HACE1: variants seen among roughly 807,000 people sequenced by gnomAD.
The protein encoded by HACE1 is E3 ubiquitin-protein ligase HACE1.
In HACE1, 73 loss-of-function variants were observed where a neutral mutation model predicts 118.4. The observed-to-expected ratio is 0.62, with a 90% CI of 0.51 to 0.75. HACE1 has a LOEUF of 0.75. HACE1 is among the 30% of genes least tolerant of loss of function. The pLI, the probability that HACE1 is intolerant of heterozygous loss-of-function variation, is 0.00. For synonymous variants in HACE1, 368 were observed against 374.8 expected (o/e 0.98, Z 0.21); for missense variants, 749 against 1,102.2 (o/e 0.68, Z 4.54).
intron 4 of HACE1, among the ~76,000 whole-genome samples, chr6:104,846,540 G>A (rs1315706564): frequency 4.6e-5 from 7 of 152,176 alleles, no homozygotes; most frequent in Admixed American, 2.6e-4. Context: ...GCTTAATGGG[G>A]CTTCTTTTGG....
chr6:104,800,420 T>C (rs1449875972), intron 7 of HACE1, among the ~76,000 whole-genome samples: 1 of 152,046 alleles, frequency 6.6e-6, no homozygotes, highest in African/African-American at 2.4e-5. Context: ...CTCAAGTGGG[T>C]CCCTGACCCC....
At chr6:104,859,386 G>T (rs1347600698) in intron 1 of HACE1, 181 bp downstream of exon 1, 1 of 541,740 alleles carries the variant, frequency 1.8e-6, no homozygotes, top group Non-Finnish European at 3.2e-6. Flanking sequence ...CACCTGCCGG[G>T]GTGGGAGCGT....
intron 22 of HACE1, among the ~76,000 whole-genome samples, chr6:104,740,027 T>G (rs905100000): frequency 4.0e-5 from 6 of 151,670 alleles, no homozygotes; most frequent in Non-Finnish European, 8.8e-5. Flanking sequence ...TCAAAACCAC[T>G]CAACTACATG....
chr6:104,739,450 C>T (rs1776364769), intron 22 of HACE1, among the ~76,000 whole-genome samples: 1 of 151,612 alleles, frequency 6.6e-6, no homozygotes, highest in East Asian at 1.9e-4. Flanking sequence ...CACATAGGCT[C>T]AAAATAAAAG....
At position 104,844,422 on chromosome 6, in the gene HACE1, C is replaced by T. The variant is rs1775439037; in HGVS notation, c.327-1124G>A. 2.6e-5 allele frequency among the ~76,000 whole-genome samples: 4 copies of T among 151,174 alleles called. No homozygotes were observed. The South Asian group carries it at 8.4e-4, about 32-fold the overall frequency. ...GCAGTGATGCGATCTCGGCTCACTG[C>T]AACCTCCGCCTCCCAGGTTCAAGCA... On this transcript the variant is annotated intron_variant, in intron 4 of 23. Coordinates refer to ENST00000262903, the MANE Select transcript of HACE1 (RefSeq NM_020771.4).
intron 11 of HACE1, among the ~76,000 whole-genome samples, chr6:104,789,556 T>C (rs1014140494): frequency 4.6e-5 from 7 of 152,162 alleles, no homozygotes; most frequent in Non-Finnish European, 1.0e-4. Flanking sequence ...TACTCTATTA[T>C]GTCTGTATTG....
At chr6:104,816,955 G>A (rs1046206825) in intron 6 of HACE1, among the ~76,000 whole-genome samples, 2 of 152,176 alleles carry the variant, frequency 1.3e-5, no homozygotes, top group Admixed American at 1.3e-4. Flanking sequence ...AGACTTGCAT[G>A]GGGCCTGTAG....
At chr6:104,737,656 T>C (rs976295305) in intron 22 of HACE1, among the ~76,000 whole-genome samples, 6 of 152,142 alleles carry the variant, frequency 3.9e-5, no homozygotes, top group East Asian at 1.9e-4. Context: ...GATTATATCC[T>C]GCACCTGGCT....
At chr6:104,843,950 G>A (rs751203579) in intron 4 of HACE1, among the ~76,000 whole-genome samples, 4 of 151,380 alleles carry the variant, frequency 2.6e-5, no homozygotes, top group Admixed American at 2.0e-4. Context: ...TCTGCCTCCC[G>A]GGTTCAAGTG....
intron 1 of HACE1, among the ~76,000 whole-genome samples, chr6:104,857,171 T>TTATTTACATATATATTTACATATA (rs1054845485): frequency 6.8e-6 from 1 of 147,576 alleles, no homozygotes; most frequent in Non-Finnish European, 1.5e-5. Context: ...ATATATATAT[T>TTATTTACATATATATTTACATATA]TATTTACATA....
chr6:104,774,587 T>C (rs1170526972), intron 17 of HACE1, among the ~76,000 whole-genome samples: 1 of 151,582 alleles, frequency 6.6e-6, no homozygotes, highest in Non-Finnish European at 1.5e-5. Flanking sequence ...GGTTTTACCA[T>C]GTTGACCAGG....
At chr6:104,853,729 A>C (rs1348454634) in intron 1 of HACE1, among the ~76,000 whole-genome samples, 3 of 152,182 alleles carry the variant, frequency 2.0e-5, no homozygotes, top group Non-Finnish European at 4.4e-5. Flanking sequence ...CAAAAATAAT[A>C]TATGCTCAAT....
chr6:104,856,683 C>T (rs768058391), intron 1 of HACE1, among the ~76,000 whole-genome samples: 2 of 152,162 alleles, frequency 1.3e-5, no homozygotes, highest in African/African-American at 4.8e-5. Context: ...GATCCACCCA[C>T]GTCGGCCTCC....
At chr6:104,805,221 A>T (rs989802596) in intron 7 of HACE1, among the ~76,000 whole-genome samples, 2 of 152,190 alleles carry the variant, frequency 1.3e-5, no homozygotes, top group African/African-American at 4.8e-5. Context: ...GCTGGAGAGG[A>T]TGTGGAGAAA....
Position 104,728,707 on chromosome 6 carries a change from G to A in HACE1, c.*955C>T, listed in dbSNP as rs1028968619. The A allele has an allele frequency of 6.6e-6, 1 of 152,000 alleles. No individual in the cohort carries two copies. The highest frequency in any genetic ancestry group is 2.4e-5 in the African/African-American group (1 of 41,374). 9.4% of individuals were successfully genotyped at this position (152,000 alleles called of 1,614,324 possible). A position where few individuals can be genotyped will look rare whatever the true frequency, so the allele number is the denominator to read the frequency against. ...ACATATGCTGTAACTATTCAAGTAC[G>A]TCTTTTCAAAATAAAACTGATTAAC... is the stretch of plus-strand genomic sequence containing the variant. On this transcript the variant is annotated 3_prime_UTR_variant, in exon 24 of 24. Coordinates refer to ENST00000262903, the MANE Select transcript of HACE1 (RefSeq NM_020771.4).
rs774417720 is a variant in HACE1 at position 104,851,934 on chromosome 6, T to G, written c.131+383A>C. ...TCAATAAAAGGAACACAAAAATAAGTAGCACATAAGGGAAATAAGTTGTCC... is the reference window on the plus strand; with the variant it reads ...TCAATAAAAGGAACACAAAAATAAGGAGCACATAAGGGAAATAAGTTGTCC... On this transcript the variant is annotated intron_variant, in intron 2 of 23. Transcript: ENST00000262903. 8.5e-5 allele frequency among the ~76,000 whole-genome samples: 13 copies of G among 152,064 alleles called. No individual in the cohort carries two copies. In the South Asian group the frequency reaches 1.7e-3, roughly 19 times the overall value.
rs1168494124 is a variant in HACE1 at position 104,774,261 on chromosome 6, T to C, written c.1865-2187A>G. ...CCCGCCACTACGCCCGGCTAATTTT[T>C]TTGTATTTTTAGTAGAGACGGGGTT... On this transcript the variant is annotated intron_variant, in intron 17 of 23. Transcript: ENST00000262903. Among the ~76,000 whole-genome samples, 7 of 130,656 alleles carry C rather than the reference T, an allele frequency of 5.4e-5. 2 individuals are homozygous for C. Among genetic ancestry groups the C allele is most frequent in the Non-Finnish European group, 1.1e-4 (7 of 63,066 alleles). The allele number at this position is 130,656 out of a possible 152,430, so 85.7% of individuals were successfully genotyped here.
chr6:104,826,667 T>C (rs1773364905), intron 6 of HACE1, among the ~76,000 whole-genome samples: 1 of 152,218 alleles, frequency 6.6e-6, no homozygotes, highest in Non-Finnish European at 1.5e-5. Flanking sequence ...CATGCCAACA[T>C]AAATAGGTGA....
chr6:104,801,147 T>G (rs564130594), intron 7 of HACE1, among the ~76,000 whole-genome samples: 1 of 151,376 alleles, frequency 6.6e-6, no homozygotes, highest in African/African-American at 2.4e-5. Flanking sequence ...TGACATAAAG[T>G]GAAAAGACAA....
Sources: gnomAD v4.1 joint callset for allele counts (sites outside exome capture counted in the v4.1 genomes callset) on GRCh38, gnomAD v4.1.1 for gene constraint, MANE v1.5 for transcripts, NCBI Gene and HGNC (gene_info 2026-07-23, HGNC 2026-07-21) for gene names.